The following RIMS1 variants were observed in gnomAD, a reference collection of about 807,000 sequenced individuals.
The protein encoded by RIMS1 is regulating synaptic membrane exocytosis 1.
RIMS1 carries 83 observed loss-of-function variants against 214.1 expected under a neutral mutation model. That is an observed-to-expected ratio of 0.39 (90% confidence interval 0.32 to 0.47). RIMS1 has a LOEUF of 0.47. Among genes scored for constraint, RIMS1 ranks in the 20% least tolerant of loss-of-function variants. The pLI is 0.99. For synonymous variants in RIMS1, 793 were observed against 786.8 expected (o/e 1.01, Z -0.13); for missense variants, 2,050 against 2,161.8 (o/e 0.95, Z 1.03).
At chr6:72,096,911 T>A in intron 2 of RIMS1, 38 bp from the exon 3 acceptor site, 1 of 1,526,266 alleles carries the variant, frequency 6.6e-7, no homozygotes, top group Non-Finnish European at 9.0e-7. Context: ...TGTCTTCCAC[T>A]ATTTACTTAG....
chr6:72,333,923 T>C (rs1297372784), intron 29 of RIMS1, 88 bp downstream of exon 29: 23 of 934,214 alleles, frequency 2.5e-5, no homozygotes, highest in Non-Finnish European at 3.7e-5. Flanking sequence ...GATGGAATTG[T>C]GGCATATTTG....
chr6:72,151,812 T>C (rs1313148462), intron 4 of RIMS1, among the ~76,000 whole-genome samples: 5 of 152,130 alleles, frequency 3.3e-5, no homozygotes, highest in Non-Finnish European at 5.9e-5. Flanking sequence ...GCTAGGTCAT[T>C]AGTAAGGAAA....
chr6:72,041,616 G>A (rs1352177088), intron 2 of RIMS1, among the ~76,000 whole-genome samples: 2 of 151,900 alleles, frequency 1.3e-5, no homozygotes, highest in East Asian at 3.9e-4. Context: ...ATAAGACGTG[G>A]CCTCACTCCC....
intron 6 of RIMS1, among the ~76,000 whole-genome samples, chr6:72,207,535 A>T (rs1048583558): frequency 5.3e-5 from 8 of 152,208 alleles, no homozygotes; most frequent in Non-Finnish European, 8.8e-5. Context: ...GTGTGTGGGC[A>T]ATAGGATGAT....
intron 4 of RIMS1, among the ~76,000 whole-genome samples, chr6:72,137,709 T>C (rs1457915236): frequency 6.6e-6 from 1 of 151,472 alleles, no homozygotes; most frequent in Non-Finnish European, 1.5e-5. Flanking sequence ...TGCAAAGTTG[T>C]CTGCAAAAAT....
intron 4 of RIMS1, among the ~76,000 whole-genome samples, chr6:72,158,595 T>C (rs1336927046): frequency 8.7e-6 from 1 of 114,852 alleles, no homozygotes; most frequent in South Asian, 3.6e-4. Flanking sequence ...GTGTGTGATG[T>C]TCCCCTTCCT....
At chr6:72,007,847 T>C (rs1808448166) in intron 2 of RIMS1, among the ~76,000 whole-genome samples, 1 of 152,178 alleles carries the variant, frequency 6.6e-6, no homozygotes, top group South Asian at 2.1e-4. Context: ...CTATGTCTGA[T>C]TGGTGTACCT....
At chr6:72,223,540 A>G (rs555561447) in intron 6 of RIMS1, among the ~76,000 whole-genome samples, 5 of 152,314 alleles carry the variant, frequency 3.3e-5, no homozygotes, top group African/African-American at 1.2e-4. Context: ...AAATACATAG[A>G]AAAGATCAGT....
intron 16 of RIMS1, among the ~76,000 whole-genome samples, chr6:72,256,477 C>T (rs1325619787): frequency 1.3e-5 from 2 of 152,042 alleles, no homozygotes; most frequent in Admixed American, 6.6e-5. Flanking sequence ...ATACCTTTTA[C>T]AGCAAGATGC....
intron 4 of RIMS1, among the ~76,000 whole-genome samples, chr6:72,132,756 A>T (rs1007136208): frequency 6.6e-6 from 1 of 152,200 alleles, no homozygotes; most frequent in Non-Finnish European, 1.5e-5. Context: ...CGCCCCAAAC[A>T]TCTTATACTA....
In RIMS1 at chr6:72,302,989, T is replaced by C. The variant is rs574587557; in HGVS notation, c.3851-4269T>C. On this transcript the variant is annotated intron_variant, in intron 26 of 33. Transcript: ENST00000521978. The stretch of plus-strand genomic sequence containing the variant: ...AAATTCATTTTAATTTCAAGGTGCA[T>C]AGAGAGAAATGTGAAAGATTTAAGG... Among the ~76,000 whole-genome samples, 318 of 151,038 alleles carry C rather than the reference T, an allele frequency of 2.1e-3. 4 individuals are homozygous for C. Among genetic ancestry groups the C allele is most frequent in the African/African-American group, 7.0e-3 (291 of 41,436 alleles).
intron 1 of RIMS1, among the ~76,000 whole-genome samples, chr6:71,965,669 A>T (rs759725368): frequency 6.6e-6 from 1 of 152,208 alleles, no homozygotes; most frequent in Non-Finnish European, 1.5e-5. Context: ...TATTTGCATA[A>T]ATCTTCAGTG....
chr6:72,294,883 G>A (rs1475533893), intron 26 of RIMS1, among the ~76,000 whole-genome samples: 1 of 151,712 alleles, frequency 6.6e-6, no homozygotes, highest in Non-Finnish European at 1.5e-5. Flanking sequence ...TTGCGGTAGA[G>A]TACTTGAAAC....
chr6:71,988,254 A>G (rs1041592682), intron 2 of RIMS1, among the ~76,000 whole-genome samples: 1 of 152,184 alleles, frequency 6.6e-6, no homozygotes, highest in Non-Finnish European at 1.5e-5. Flanking sequence ...CCCCAAAATT[A>G]TACCACCAGC....
Position 72,182,840 on chromosome 6 carries a change from G to T in RIMS1, c.1369G>T (p.Val457Phe), listed in dbSNP as rs1443226262. The T allele has an allele frequency of 1.3e-6, 2 of 1,553,226 alleles. No individual in the cohort carries two copies. Among genetic ancestry groups the T allele is most frequent in the African/African-American group, 1.4e-5 (1 of 73,388 alleles). The change falls in exon 6 of 34, where the codon GTT (valine) becomes TTT (phenylalanine). Residue 457 changes from valine to phenylalanine, a missense_variant. This residue lies in a region of RIMS1 where 882 missense variants were observed against 828.9 expected (regional missense o/e 1.06). Coordinates refer to ENST00000521978, the MANE Select transcript of RIMS1 (RefSeq NM_014989.7). ...HSPPAPRHGP[V>F]PAEAPELKAQ... ...CCCGCCGGCGCCCAGACATGGGCCG[G>T]TTCCCGCAGAAGCCCCGGAGCTCAA... is the stretch of plus-strand genomic sequence containing the variant.
At chr6:72,034,195 G>A (rs982365170) in intron 2 of RIMS1, among the ~76,000 whole-genome samples, 5 of 152,070 alleles carry the variant, frequency 3.3e-5, no homozygotes, top group African/African-American at 1.2e-4. Flanking sequence ...GATAAACAAT[G>A]AATGATTTTT....
Position 72,182,649 on chromosome 6 carries a change from T to G in RIMS1, c.1178T>G (p.Val393Gly), listed in dbSNP as rs1463720276. Reference protein sequence around the residue: ...RARHERRHSDVALPRTEAGAA... With the variant: ...RARHERRHSDGALPRTEAGAA... ...AGGCACGAGCGGCGCCACAGCGACG[T>G]GGCGCTCCCGCGCACCGAGGCGGGC... Residue 393 changes from valine to glycine, a missense_variant, in exon 6 of 34, where the codon GTG becomes GGG. Physicochemically the swap from Val to Gly is moderately radical, Grantham distance 109. This residue lies in a region of RIMS1 where 882 missense variants were observed against 828.9 expected (regional missense o/e 1.06). Transcript: ENST00000521978. The G allele has an allele frequency of 6.5e-7, 1 of 1,528,592 alleles. No homozygotes were observed. The highest frequency in any genetic ancestry group is 8.8e-7 in the Non-Finnish European group (1 of 1,137,442). The allele number at this position is 1,528,592 out of a possible 1,614,324, so 94.7% of individuals were successfully genotyped here.
chr6:72,307,279 G>T lies in RIMS1; in HGVS notation c.3872G>T (p.Arg1291Leu). Residue 1291 changes from arginine (R) to leucine (L), a missense_variant, in exon 27 of 34, where the codon CGA (arginine) becomes CTA (leucine). Arg to Leu is a moderately radical substitution (Grantham distance 102, BLOSUM62 -2). Coordinates refer to ENST00000521978, the MANE Select transcript of RIMS1 (RefSeq NM_014989.7). The part of the protein sequence containing the change: ...IEQASLVVEE[R>L]TRQMKMKVHR... The stretch of plus-strand genomic sequence containing the variant: ...GCAGCAAGCTTAGTAGTGGAGGAGC[G>T]AACAAGACAGATGAAAATGAAAGTG... The T allele has an allele frequency of 1.2e-6, 2 of 1,600,920 alleles. No homozygotes were observed. Among genetic ancestry groups the T allele is most frequent in the South Asian group, 1.1e-5 (1 of 87,906 alleles).
At chr6:72,229,212 C>T (rs568120616) in intron 6 of RIMS1, among the ~76,000 whole-genome samples, 2 of 151,568 alleles carry the variant, frequency 1.3e-5, no homozygotes, top group Non-Finnish European at 3.0e-5. Context: ...GCAGTGTTTG[C>T]CTTCAGATAT....
Sources: allele counts gnomAD v4.1 joint callset (sites outside exome capture counted in the v4.1 genomes callset), GRCh38; gene constraint gnomAD v4.1.1; regional missense constraint gnomAD v4.1.1; transcripts MANE v1.5; gene names NCBI Gene and HGNC (gene_info 2026-07-23, HGNC 2026-07-21).